POU2AF2: variants seen among roughly 807,000 people sequenced by gnomAD.
POU2AF2 encodes the protein POU class 2 homeobox associating factor 2.
chr11:111,263,605 G>T, the POU2AF2 span, among the ~76,000 whole-genome samples: 1 of 151,872 alleles, frequency 6.6e-6, no homozygotes, highest in Non-Finnish European at 1.5e-5. Context: ...GCTAATTTTT[G>T]TATTTTTAGT....
At chr11:111,251,014 G>C in the POU2AF2 span, among the ~76,000 whole-genome samples, 10 of 152,136 alleles carry the variant, frequency 6.6e-5, no homozygotes, top group Non-Finnish European at 1.3e-4. Flanking sequence ...CCATTGTAGG[G>C]TTTAGAGCAG....
chr11:111,249,742 C>CT, the POU2AF2 span, among the ~76,000 whole-genome samples: 1 of 152,096 alleles, frequency 6.6e-6, no homozygotes, highest in Non-Finnish European at 1.5e-5. Context: ...CTGATTGTTC[C>CT]TTTTTCTCTC....
chr11:111,281,356 C>T, the POU2AF2 span: 7 of 1,520,488 alleles, frequency 4.6e-6, no homozygotes, highest in Non-Finnish European at 6.3e-6. Flanking sequence ...TAAATTCAAA[C>T]TTACAACTAA....
chr11:111,266,077 T>C, the POU2AF2 span, among the ~76,000 whole-genome samples: 1 of 151,878 alleles, frequency 6.6e-6, no homozygotes, highest in Non-Finnish European at 1.5e-5. Flanking sequence ...ATTATACTTA[T>C]CCATCACGAA....
chr11:111,259,003 T>C, the POU2AF2 span, among the ~76,000 whole-genome samples: 2 of 152,112 alleles, frequency 1.3e-5, no homozygotes, highest in African/African-American at 4.8e-5. Flanking sequence ...AATAACCTGG[T>C]GAAAAGAAAA....
At chr11:111,259,903 T>A in the POU2AF2 span, among the ~76,000 whole-genome samples, 2 of 152,220 alleles carry the variant, frequency 1.3e-5, no homozygotes, top group Admixed American at 6.5e-5. Context: ...GATAATTAAA[T>A]GCATAAAGTC....
the POU2AF2 span, among the ~76,000 whole-genome samples, chr11:111,271,769 T>C: frequency 6.6e-6 from 1 of 152,134 alleles, no homozygotes; most frequent in Admixed American, 6.5e-5. Flanking sequence ...TTCCAGCACT[T>C]TGGGAGGCCA....
chr11:111,268,414 G>A, the POU2AF2 span, among the ~76,000 whole-genome samples: 3 of 151,744 alleles, frequency 2.0e-5, no homozygotes, highest in African/African-American at 7.3e-5. Flanking sequence ...GTCTCCCTGG[G>A]CACAGCAAAT....
At chr11:111,282,900 G>A in the POU2AF2 span, among the ~76,000 whole-genome samples, 1 of 152,148 alleles carries the variant, frequency 6.6e-6, no homozygotes, top group Non-Finnish European at 1.5e-5. Context: ...AACATGTTCT[G>A]AATGATCAGT....
At chr11:111,276,453 A>AAAATATAGATATAT in the POU2AF2 span, among the ~76,000 whole-genome samples, 10 of 37,692 alleles carry the variant, frequency 2.7e-4, no homozygotes, top group Non-Finnish European at 4.5e-4. Flanking sequence ...AAAAAAAAAA[A>AAAATATAGATATAT]ATATATATAT....
the POU2AF2 span, among the ~76,000 whole-genome samples, chr11:111,248,200 A>C: frequency 6.6e-6 from 1 of 152,104 alleles, no homozygotes; most frequent in African/African-American, 2.4e-5. Flanking sequence ...CCAGATTAGA[A>C]GTGAAACCAC....
At chr11:111,284,111 A>C in the POU2AF2 span, 2 of 1,614,176 alleles carry the variant, frequency 1.2e-6, no homozygotes, top group Non-Finnish European at 8.5e-7. Context: ...CGGTGTCAGA[A>C]GATCTTTCTT....
chr11:111,260,119 C>T, the POU2AF2 span, among the ~76,000 whole-genome samples: 3 of 152,168 alleles, frequency 2.0e-5, no homozygotes, highest in East Asian at 1.9e-4. Context: ...CATCATGTTA[C>T]GGGAGACACT....
chr11:111,276,447 AAAAAAAATATATAT>A, the POU2AF2 span, among the ~76,000 whole-genome samples: 1,009 of 30,272 alleles, frequency 0.033, 35 homozygotes, highest in South Asian at 0.082. Context: ...AAGAAAAAAA[AAAAAAAATATATAT>A]ATATATATAT....
the POU2AF2 span, among the ~76,000 whole-genome samples, chr11:111,251,095 A>G: frequency 6.6e-6 from 1 of 152,204 alleles, no homozygotes; most frequent in African/African-American, 2.4e-5. Flanking sequence ...AGACTAGGGC[A>G]GGGTGGATGT....
the POU2AF2 span, among the ~76,000 whole-genome samples, chr11:111,260,435 A>C: frequency 6.6e-6 from 1 of 152,228 alleles, no homozygotes; most frequent in African/African-American, 2.4e-5. Context: ...GTATCTTTAG[A>C]AGAGGCCCTT....
the POU2AF2 span, among the ~76,000 whole-genome samples, chr11:111,282,228 T>C: frequency 7.3e-3 from 1,108 of 152,310 alleles, 9 homozygotes; most frequent in Middle Eastern, 0.014. Context: ...GATTTGGAAA[T>C]TGGGAGTATA....
At chr11:111,264,574 A>AGAG in the POU2AF2 span, among the ~76,000 whole-genome samples, 38 of 24,552 alleles carry the variant, frequency 1.5e-3, 3 homozygotes, top group African/African-American at 7.2e-3. Context: ...GAAAGAAAGA[A>AGAG]AGGGAGAGAG....
At chr11:111,248,192 A>G in the POU2AF2 span, among the ~76,000 whole-genome samples, 5 of 152,066 alleles carry the variant, frequency 3.3e-5, no homozygotes, top group Admixed American at 6.5e-5. Flanking sequence ...TCATCTCCCC[A>G]GATTAGAAGT....
Sources: gnomAD v4.1 joint callset for allele counts (sites outside exome capture counted in the v4.1 genomes callset) on GRCh38, gnomAD v4.1.1 for gene constraint, MANE v1.5 for transcripts, NCBI Gene and HGNC (gene_info 2026-07-23, HGNC 2026-07-21) for gene names.